Variants in CAPN12 observed in about 807,000 individuals in gnomAD.
CAPN12 encodes the protein calpain 12.
A neutral mutation model predicts 95.0 loss-of-function variants in CAPN12; 107 were observed. That is an observed-to-expected ratio of 1.13 (90% CI 0.96 to 1.32). The LOEUF (loss-of-function observed/expected upper bound fraction) is 1.32. CAPN12 is among the 40% of genes most tolerant of loss of function. The probability of loss-of-function intolerance (pLI) is 0.00; values close to 1 mark genes in which losing one functional copy is unlikely to be tolerated. For missense variants in CAPN12, 1,136 were observed against 997.8 expected (o/e 1.14, Z -1.87); for synonymous variants, 505 against 415.5 (o/e 1.22, Z -2.62).
intron 9 of CAPN12, 22 bp from the exon 10 acceptor site, chr19:38,737,410 G>T: frequency 6.2e-7 from 1 of 1,609,202 alleles, no homozygotes; most frequent in Non-Finnish European, 8.5e-7. Flanking sequence ...GGAAAAAAGG[G>T]GGTTTCCTAG....
intron 15 of CAPN12, 29 bp from the exon 16 acceptor site, chr19:38,734,418 C>T: frequency 6.5e-7 from 1 of 1,549,558 alleles, no homozygotes; most frequent in South Asian, 1.2e-5. Flanking sequence ...CAAACCACAG[C>T]ACTTCCTGCA....
chr19:38,734,669 G>A, intron 15 of CAPN12, 144 bp downstream of exon 15: 1 of 738,190 alleles, frequency 1.4e-6, no homozygotes, highest in Non-Finnish European at 2.2e-6. Flanking sequence ...ATCCCCTGCA[G>A]GGAGATGCTG....
intron 14 of CAPN12, 176 bp downstream of exon 14, chr19:38,735,194 C>CAAGGCCCTGAGGCAGGGAG (rs1969932469): frequency 1.5e-6 from 1 of 660,928 alleles, no homozygotes; most frequent in African/African-American, 1.8e-5. Context: ...GGACTGAGCC[C>CAAGGCCCTGAGGCAGGGAG]AAGGCCCTGA....
At chr19:38,737,761 C>T in intron 8 of CAPN12, 123 bp from the exon 9 acceptor site, 1 of 1,295,186 alleles carries the variant, frequency 7.7e-7, no homozygotes, top group Non-Finnish European at 1.0e-6. Context: ...ACCCTTCAGG[C>T]TCCAGAAATG....
Position 38,742,538 on chromosome 19 carries a change from G to A in CAPN12, c.308-10C>T, listed in dbSNP as rs920748611. 1 of 1,591,088 alleles carries A rather than the reference G, an allele frequency of 6.3e-7. No homozygotes were observed. Among genetic ancestry groups the A allele is most frequent in the East Asian group, 2.3e-5 (1 of 44,432 alleles). On this transcript the variant is annotated splice_polypyrimidine_tract_variant and intron_variant, in intron 2 of 20. Transcript: ENST00000328867. ...AGGAACCAGCAGTTACCTGGGAGGAGAGGCCAGGATTAGGTGAGGATGGAA... is the reference window on the plus strand; with the variant it reads ...AGGAACCAGCAGTTACCTGGGAGGAAAGGCCAGGATTAGGTGAGGATGGAA...
chr19:38,736,788 C>T, intron 10 of CAPN12: 1 of 605,004 alleles, frequency 1.7e-6, no homozygotes, highest in Non-Finnish European at 2.9e-6. Context: ...ATCCTTGGTC[C>T]CCTCTGGCCC....
At chr19:38,731,405 A>G (rs1969598136) in intron 18 of CAPN12, 182 bp from the exon 19 acceptor site, 1 of 623,240 alleles carries the variant, frequency 1.6e-6, no homozygotes, top group South Asian at 1.8e-5. Flanking sequence ...TTCCTCATCC[A>G]TCAAACGGAC....
chr19:38,736,179 C>A lies in CAPN12; in HGVS notation c.1514G>T (p.Ser505Ile). ...LRPGHYLVVP[S>I]TAHAGDEADF... ...AGCCTCGTCGCCGGCGTGGGCGGTG[C>A]TCGGCACCACCAGGTAGTGGCCTGG... is the stretch of plus-strand genomic sequence containing the variant. The change falls in exon 12 of 21, where the codon AGC (serine) becomes ATC (isoleucine). Residue 505 changes from serine to isoleucine, a missense_variant. By Grantham distance (142) the Ser-to-Ile change is moderately radical (BLOSUM62 -2). Transcript: ENST00000328867. The A allele has an allele frequency of 6.6e-7, 1 of 1,513,302 alleles. No individual in the cohort carries two copies. The allele number at this position is 1,513,302 out of a possible 1,614,324, so 93.7% of individuals were successfully genotyped here.
chr19:38,744,577 G>A (rs1022604452), upstream of CAPN12: 4 of 257,278 alleles, frequency 1.6e-5, no homozygotes, highest in African/African-American at 8.8e-5. Context: ...CCCTCCCTCT[G>A]ACAGTTTCTC....
At chr19:38,733,814 C>T (rs372170309) in intron 17 of CAPN12, 33 bp from the exon 18 acceptor site, 5 of 1,564,844 alleles carry the variant, frequency 3.2e-6, no homozygotes, top group South Asian at 2.2e-5. Flanking sequence ...GGCTGCCCTC[C>T]ATGCCCTGAA....
Position 38,740,095 on chromosome 19 carries a change from G to T in CAPN12, c.685C>A (p.Arg229Ser), listed in dbSNP as rs148454997. Residue 229 changes from arginine (R) to serine (S), a missense_variant, in exon 5 of 21, where the codon CGC becomes AGC. Transcript: ENST00000328867. ...QNSMGLFSALRHALAKESLVG... is the reference protein window; with the variant it reads ...QNSMGLFSALSHALAKESLVG... Reference sequence around the variant, plus strand: ...AGGGACTCCTTGGCCAGGGCATGGCGCAGGGCAGAGAACAGCCCCATGCTG... The same window carrying T: ...AGGGACTCCTTGGCCAGGGCATGGCTCAGGGCAGAGAACAGCCCCATGCTG... 1.2e-6 allele frequency: 2 copies of T among 1,612,168 alleles called. No individual in the cohort carries two copies. Among genetic ancestry groups the T allele is most frequent in the Non-Finnish European group, 1.7e-6 (2 of 1,179,278 alleles).
chr19:38,736,284 G>A lies in CAPN12; in HGVS notation c.1409C>T (p.Ala470Val), dbSNP rs925722529. ...GGCGCGCAGCAGCCGGGGCAGGAGC[G>A]CATGGCTGCGCGGGGAATCCCAGAG... Reference protein sequence around the residue: ...LGLWDSPRSHALLPRLLRADR... With the variant: ...LGLWDSPRSHVLLPRLLRADR... Residue 470 changes from alanine (A) to valine (V), a missense_variant, in exon 12 of 21, where the codon GCG (alanine) becomes GTG (valine). By Grantham distance (64) the Ala-to-Val change is moderately conservative. Coordinates refer to ENST00000328867, the MANE Select transcript of CAPN12 (RefSeq NM_144691.4). 29 of 1,445,556 alleles carry A rather than the reference G, an allele frequency of 2.0e-5. No homozygotes were observed. Among genetic ancestry groups the A allele is most frequent in the Admixed American group, 5.6e-5 (2 of 35,884 alleles). 89.5% of individuals were successfully genotyped at this position (1,445,556 alleles called of 1,614,324 possible). A position where few individuals can be genotyped will look rare whatever the true frequency, so the allele number is the denominator to read the frequency against.
intron 4 of CAPN12, among the ~76,000 whole-genome samples, chr19:38,741,321 C>T (rs1395593044): frequency 6.6e-6 from 1 of 152,012 alleles, no homozygotes; most frequent in Non-Finnish European, 1.5e-5. Flanking sequence ...ACCTGTAATC[C>T]CAGTACTTTG....
intron 12 of CAPN12, 118 bp downstream of exon 12, chr19:38,735,990 CTG>C (rs1970094037): frequency 4.5e-5 from 11 of 244,148 alleles, no homozygotes; most frequent in African/African-American, 4.5e-4. Flanking sequence ...GGCAGGGGTT[CTG>C]GGGGCGGGGC....
rs538715540 is a variant in CAPN12 at position 38,744,319 on chromosome 19, A to G, written c.-154T>C. 4.1e-6 allele frequency: 3 copies of G among 724,610 alleles called. No homozygotes were observed. Among genetic ancestry groups the G allele is most frequent in the East Asian group, 2.6e-5 (1 of 37,900 alleles). 44.9% of individuals were successfully genotyped at this position (724,610 alleles called of 1,614,324 possible). A position where few individuals can be genotyped will look rare whatever the true frequency, so the allele number is the denominator to read the frequency against. The stretch of plus-strand genomic sequence containing the variant: ...TTGATGGTTTGGGGTGCTGGGGAGC[A>G]GGGACGCCTCTTCAGTAGCTTTCTT... On this transcript the variant is annotated 5_prime_UTR_variant, in exon 1 of 21. Transcript: ENST00000328867.
At position 38,740,214 on chromosome 19, in the gene CAPN12, T is replaced by C; in HGVS notation, c.566A>G (p.His189Arg). Residue 189 changes from histidine to arginine, a missense_variant, in exon 5 of 21, where the codon CAC (histidine) becomes CGC (arginine). Transcript: ENST00000328867. ...PLLEKAYAKLHGSYEVMRGGH... is the reference protein window; with the variant it reads ...PLLEKAYAKLRGSYEVMRGGH... ...GCCCCGCATCACCTCATAGGAGCCG[T>C]GGAGCCTGTGGGGGCAGATCTGGGG... The C allele has an allele frequency of 7.5e-6, 12 of 1,603,642 alleles. No individual in the cohort carries two copies. Among genetic ancestry groups the C allele is most frequent in the Non-Finnish European group, 1.0e-5 (12 of 1,175,038 alleles).
Position 38,740,062 on chromosome 19 carries a change from C to T in CAPN12, c.718G>A (p.Ala240Thr), listed in dbSNP as rs756044421. 50 of 1,588,492 alleles carry T rather than the reference C, an allele frequency of 3.1e-5. 2 individuals carry two copies. In the South Asian group the frequency reaches 3.4e-4, roughly 11 times the overall value. ...HALAKESLVG[A>T]TALSDRGEYR... ...TCCAGGTCTCTTACCAGGGCAGTGG[C>T]GCCCACGAGGGACTCCTTGGCCAGG... is the stretch of plus-strand genomic sequence containing the variant. The change falls in exon 5 of 21, where the codon GCC becomes ACC. Residue 240 changes from alanine (A) to threonine (T), a missense_variant. Coordinates refer to ENST00000328867, the MANE Select transcript of CAPN12 (RefSeq NM_144691.4).
At chr19:38,733,497 C>T in intron 18 of CAPN12, 1 of 556,166 alleles carries the variant, frequency 1.8e-6, no homozygotes, top group South Asian at 2.3e-5. Context: ...TCCTCCCCAC[C>T]CCACACACGC....
chr19:38,735,572 G>GGGGGCTGTTTGCCCCAGCT (rs762511511), intron 12 of CAPN12, 28 bp from the exon 13 acceptor site: 3 of 1,605,824 alleles, frequency 1.9e-6, no homozygotes, highest in South Asian at 1.1e-5. Context: ...GAAGTGGGGA[G>GGGGGCTGTTTGCCCCAGCT]GGGGCTGTTT....
Sources: gnomAD v4.1 joint callset for allele counts (sites outside exome capture counted in the v4.1 genomes callset) on GRCh38, gnomAD v4.1.1 for gene constraint, MANE v1.5 for transcripts, NCBI Gene and HGNC (gene_info 2026-07-23, HGNC 2026-07-21) for gene names.